Variants in ZNF431 observed in about 807,000 individuals in gnomAD.
ZNF431 encodes the protein zinc finger protein 431.
In ZNF431, 34 loss-of-function variants were observed where a neutral mutation model predicts 57.0. The ratio of observed to expected loss-of-function variants is 0.60; its 90% CI spans 0.45 to 0.79. The LOEUF (loss-of-function observed/expected upper bound fraction) is 0.79, where lower values mean the gene tolerates loss of function less well. Ranked by LOEUF, ZNF431 falls within the 30% of genes least tolerant of loss-of-function variation. The pLI is 0.00. For missense variants in ZNF431, 607 were observed against 667.1 expected, an observed-to-expected ratio of 0.91 and a Z score of 0.99; for synonymous variants, 207 against 220.3, an observed-to-expected ratio of 0.94 and a Z score of 0.54.
rs1251620550 is a variant in ZNF431 at position 21,186,946 on chromosome 19, A to C, written c.*2912A>C. On this transcript the variant is annotated 3_prime_UTR_variant, in exon 5 of 5. Transcript: ENST00000311048. ...TGACATAAGCATATTTATTGAGTCA[A>C]TTTGTTCAGCTAAGTACTAGGGAGG... 6.6e-6 allele frequency: 1 copy of C among 152,100 alleles called. No homozygotes were observed. The highest frequency in any genetic ancestry group is 1.9e-4 in the East Asian group (1 of 5,182). The allele number at this position is 152,100 out of a possible 1,614,324, so 9.4% of individuals were successfully genotyped here.
At chr19:21,154,488 A>T (rs1009985168) in intron 2 of ZNF431, among the ~76,000 whole-genome samples, 4 of 152,202 alleles carry the variant, frequency 2.6e-5, no homozygotes, top group African/African-American at 9.6e-5. Context: ...ATATGTGTGC[A>T]TGTGTCTTTA....
chr19:21,173,384 C>G (rs1294496750), intron 4 of ZNF431, among the ~76,000 whole-genome samples: 1 of 152,170 alleles, frequency 6.6e-6, no homozygotes, highest in Non-Finnish European at 1.5e-5. Flanking sequence ...ATGGCTGCTT[C>G]CTTCTTTTCT....
chr19:21,166,755 C>T (rs1404548886), intron 3 of ZNF431, among the ~76,000 whole-genome samples: 2 of 152,142 alleles, frequency 1.3e-5, no homozygotes, highest in African/African-American at 4.8e-5. Context: ...TATTTGCCAT[C>T]ACCAATTTTT....
chr19:21,179,823 GT>G (rs1263222884), intron 4 of ZNF431, among the ~76,000 whole-genome samples: 5 of 151,980 alleles, frequency 3.3e-5, no homozygotes, highest in Non-Finnish European at 7.4e-5. Flanking sequence ...GCCTCCCAAA[GT>G]GCTGGGATTA....
chr19:21,156,443 A>G (rs1027050187), intron 2 of ZNF431, among the ~76,000 whole-genome samples: 1 of 151,790 alleles, frequency 6.6e-6, no homozygotes, highest in Non-Finnish European at 1.5e-5. Context: ...GTGTCATGGG[A>G]GTTTGGTGTA....
At chr19:21,171,616 A>G (rs945192852) in intron 4 of ZNF431, among the ~76,000 whole-genome samples, 10 of 149,390 alleles carry the variant, frequency 6.7e-5, no homozygotes, top group African/African-American at 2.0e-4. Flanking sequence ...ACTGATTTTC[A>G]GTGGCTGTTT....
At chr19:21,182,488 T>C in intron 4 of ZNF431, 135 bp from the exon 5 acceptor site, 1 of 990,066 alleles carries the variant, frequency 1.0e-6, no homozygotes, top group Non-Finnish European at 1.4e-6. Flanking sequence ...TTTATATGTC[T>C]ATGAAGGATT....
chr19:21,169,508 A>G (rs112111565), intron 4 of ZNF431, among the ~76,000 whole-genome samples: 1,912 of 152,250 alleles, frequency 0.013, 32 homozygotes, highest in South Asian at 0.048. Context: ...AGGGTGATGG[A>G]ATGCCCTCTG....
chr19:21,177,328 A>G (rs1971086039), intron 4 of ZNF431, among the ~76,000 whole-genome samples: 1 of 152,162 alleles, frequency 6.6e-6, no homozygotes, highest in Non-Finnish European at 1.5e-5. Flanking sequence ...TCAAAGATCA[A>G]ATGGTTGTAG....
chr19:21,175,186 G>A lies in ZNF431; in HGVS notation c.320-7437G>A, dbSNP rs1971016340. Reference sequence around the variant, plus strand: ...TCATTTCAGTTTCTTGAGTAACTGGGTTGCAAATGTTTGCCATCCCAAACC... The same window carrying A: ...TCATTTCAGTTTCTTGAGTAACTGGATTGCAAATGTTTGCCATCCCAAACC... On this transcript the variant is annotated intron_variant, in intron 4 of 4. Transcript: ENST00000311048. 2.0e-5 allele frequency among the ~76,000 whole-genome samples: 3 copies of A among 152,062 alleles called. No homozygotes were observed. The South Asian group carries it at 6.2e-4, about 32-fold the overall frequency.
intron 4 of ZNF431, among the ~76,000 whole-genome samples, chr19:21,177,640 T>G (rs942726967): frequency 6.6e-6 from 1 of 152,014 alleles, no homozygotes; most frequent in Non-Finnish European, 1.5e-5. Flanking sequence ...TACAAAAAAT[T>G]AGCCTGGCAT....
At chr19:21,161,365 G>C (rs560084758) in intron 2 of ZNF431, among the ~76,000 whole-genome samples, 1 of 152,188 alleles carries the variant, frequency 6.6e-6, no homozygotes, top group South Asian at 2.1e-4. Context: ...CATCTGAAGG[G>C]ATATTTATGG....
chr19:21,165,342 A>G (rs1970693171), intron 2 of ZNF431, among the ~76,000 whole-genome samples: 1 of 152,224 alleles, frequency 6.6e-6, no homozygotes, highest in Non-Finnish European at 1.5e-5. Context: ...TGAAAAAATT[A>G]TTAAGAGATA....
At chr19:21,182,062 A>G in intron 4 of ZNF431, among the ~76,000 whole-genome samples, 1 of 151,936 alleles carries the variant, frequency 6.6e-6, no homozygotes, top group Admixed American at 6.6e-5. Context: ...ATCAGCAGTC[A>G]TTTGCTGTAT....
intron 2 of ZNF431, among the ~76,000 whole-genome samples, chr19:21,162,935 T>TAAATTCTCTC (rs1970615564): frequency 6.6e-6 from 1 of 152,236 alleles, no homozygotes; most frequent in Non-Finnish European, 1.5e-5. Context: ...TAAACTACAT[T>TAAATTCTCTC]AAATTCTCTC....
intron 2 of ZNF431, among the ~76,000 whole-genome samples, chr19:21,164,149 G>A (rs1307093477): frequency 6.6e-6 from 1 of 151,784 alleles, no homozygotes; most frequent in African/African-American, 2.4e-5. Flanking sequence ...TATTGTTCTG[G>A]GTGGAAGCAT....
At chr19:21,149,316 C>A (rs1235055040) in intron 2 of ZNF431, among the ~76,000 whole-genome samples, 2 of 152,076 alleles carry the variant, frequency 1.3e-5, no homozygotes, top group African/African-American at 4.8e-5. Context: ...AATATGTGAC[C>A]TATATAACTT....
chr19:21,171,901 T>C (rs1412349819), intron 4 of ZNF431, among the ~76,000 whole-genome samples: 1 of 150,822 alleles, frequency 6.6e-6, no homozygotes, highest in African/African-American at 2.4e-5. Context: ...TTTGTATTTT[T>C]AGTAGAGATG....
intron 2 of ZNF431, among the ~76,000 whole-genome samples, chr19:21,153,904 C>T (rs1403477745): frequency 1.3e-5 from 2 of 152,046 alleles, no homozygotes; most frequent in African/African-American, 2.4e-5. Context: ...TTAGTAGAGA[C>T]GGGGTTTCTT....
Sources: gnomAD v4.1 joint callset for allele counts (sites outside exome capture counted in the v4.1 genomes callset) on GRCh38, gnomAD v4.1.1 for gene constraint, MANE v1.5 for transcripts, NCBI Gene and HGNC (gene_info 2026-07-23, HGNC 2026-07-21) for gene names.